SMG9: variants seen among roughly 807,000 people sequenced by gnomAD.
SMG9 encodes nonsense-mediated mRNA decay factor SMG9.
Under a neutral mutation model 64.0 loss-of-function variants are expected in SMG9, and 55 were observed. That is an observed-to-expected ratio of 0.86 (90% CI 0.69 to 1.08). The LOEUF (loss-of-function observed/expected upper bound fraction) is 1.08. Among genes scored for constraint, SMG9 ranks in the 50% least tolerant of loss-of-function variants. The pLI, the probability that SMG9 is intolerant of heterozygous loss-of-function variation, is 0.00. For missense variants in SMG9, 554 were observed against 681.3 expected (o/e 0.81, Z 2.08); for synonymous variants, 244 against 254.8 (o/e 0.96, Z 0.41).
At chr19:43,737,021 TC>T (rs1221549690) in intron 9 of SMG9, among the ~76,000 whole-genome samples, 2 of 152,036 alleles carry the variant, frequency 1.3e-5, no homozygotes, top group African/African-American at 4.8e-5. Flanking sequence ...CGCCTATAAT[TC>T]CGGCACTTTA....
Position 43,745,902 on chromosome 19 carries a change from G to C in SMG9, c.589-1018C>G, listed in dbSNP as rs189930173. Reference sequence around the variant, plus strand: ...TGTAATCCCAGCTACTCGGAAGGCTGAGGCAGGAGAATTGCTTGAACCCGG... The same window carrying C: ...TGTAATCCCAGCTACTCGGAAGGCTCAGGCAGGAGAATTGCTTGAACCCGG... On this transcript the variant is annotated intron_variant, in intron 5 of 13. Transcript: ENST00000270066. Among the ~76,000 whole-genome samples, 403 of 152,314 alleles carry C rather than the reference G, an allele frequency of 2.6e-3. 1 individual carries two copies. Among genetic ancestry groups the C allele is most frequent in the African/African-American group, 9.0e-3 (375 of 41,566 alleles).
rs1424114541 is a variant in SMG9 at position 43,731,074 on chromosome 19, G to A, written c.*522C>T. 24 of 976,140 alleles carry A rather than the reference G, an allele frequency of 2.5e-5. No individual in the cohort carries two copies. The highest frequency in any genetic ancestry group is 6.1e-5 in the Admixed American group (1 of 16,302). 60.5% of individuals were successfully genotyped at this position (976,140 alleles called of 1,614,324 possible). On this transcript the variant is annotated 3_prime_UTR_variant, in exon 14 of 14. Coordinates refer to ENST00000270066, the MANE Select transcript of SMG9 (RefSeq NM_019108.4). ...AGCAGAGACTGATCTCCATCTGCCC[G>A]CAAGGGCTGGGTGTCCAATTTGTCC...
chr19:43,730,988 A>G lies in SMG9; in HGVS notation c.*608T>C. On this transcript the variant is annotated 3_prime_UTR_variant, in exon 14 of 14. Transcript: ENST00000270066. Reference sequence around the variant, plus strand: ...ACCAGTGTATTTTCCCATCCAAAACATACACAGGGGAGGCTTGATGCCACC... The same window carrying G: ...ACCAGTGTATTTTCCCATCCAAAACGTACACAGGGGAGGCTTGATGCCACC... 1 of 343,860 alleles carries G rather than the reference A, an allele frequency of 2.9e-6. No homozygotes were observed. The allele number at this position is 343,860 out of a possible 1,614,324, so 21.3% of individuals were successfully genotyped here.
At chr19:43,744,498 A>G (rs1475225031) in intron 6 of SMG9, among the ~76,000 whole-genome samples, 4 of 150,408 alleles carry the variant, frequency 2.7e-5, no homozygotes, top group South Asian at 2.1e-4. Flanking sequence ...CTTAACAACT[A>G]CATCATCCCA....
In SMG9 at chr19:43,736,392, G is replaced by A. The variant is rs542212433; in HGVS notation, c.995+1205C>T. Among the ~76,000 whole-genome samples, 50 of 152,140 alleles carry A rather than the reference G, an allele frequency of 3.3e-4. No individual in the cohort carries two copies. The South Asian group carries it at 8.5e-3, about 26-fold the overall frequency. On this transcript the variant is annotated intron_variant, in intron 9 of 13. Coordinates refer to ENST00000270066, the MANE Select transcript of SMG9 (RefSeq NM_019108.4). ...CCTGTCCCTTCCTTCTGCCTGGTCCGTGTGCCCAAAGCTGTTCCCCCCAAC... is the reference window on the plus strand; with the variant it reads ...CCTGTCCCTTCCTTCTGCCTGGTCCATGTGCCCAAAGCTGTTCCCCCCAAC...
Position 43,747,432 on chromosome 19 carries a change from C to T in SMG9, c.588+10G>A, listed in dbSNP as rs184145466. 3.7e-5 allele frequency: 60 copies of T among 1,611,938 alleles called. No homozygotes were observed. Among genetic ancestry groups the T allele is most frequent in the Admixed American group, 2.0e-4 (12 of 60,022 alleles). Reference sequence around the variant, plus strand: ...TGCGGAAGCTCAGGCAGGGCAGGACCCCTCGGTACCTCGATGGCACTGTCA... The same window carrying T: ...TGCGGAAGCTCAGGCAGGGCAGGACTCCTCGGTACCTCGATGGCACTGTCA... On this transcript the variant is annotated intron_variant, in intron 5 of 13. Transcript: ENST00000270066.
At chr19:43,734,030 C>G in intron 10 of SMG9, 1 of 540,402 alleles carries the variant, frequency 1.9e-6, no homozygotes, top group Non-Finnish European at 3.3e-6. Context: ...AAAGGAACGG[C>G]ATGTGCAAAG....
At chr19:43,743,386 G>A (rs1361011508) in intron 6 of SMG9, among the ~76,000 whole-genome samples, 1 of 152,224 alleles carries the variant, frequency 6.6e-6, no homozygotes, top group South Asian at 2.1e-4. Context: ...TATGGGATGT[G>A]TATTCGCCCA....
intron 9 of SMG9, 88 bp from the exon 10 acceptor site, chr19:43,734,583 T>A: frequency 2.4e-6 from 2 of 817,564 alleles, no homozygotes; most frequent in South Asian, 1.5e-5. Context: ...GAGATTCTGA[T>A]GAAAGCTACA....
At chr19:43,746,805 G>A (rs1164439871) in intron 5 of SMG9, among the ~76,000 whole-genome samples, 2 of 149,782 alleles carry the variant, frequency 1.3e-5, no homozygotes, top group African/African-American at 5.0e-5. Flanking sequence ...CTGAGACAGC[G>A]TGGGCTTCTT....
At chr19:43,733,103 C>G in intron 12 of SMG9, 101 bp from the exon 13 acceptor site, 3 of 1,404,278 alleles carry the variant, frequency 2.1e-6, no homozygotes, top group Non-Finnish European at 2.9e-6. Flanking sequence ...GAGTTCAGCC[C>G]CGGCTGAGCT....
rs966583197 is a variant in SMG9 at position 43,730,130 on chromosome 19, A to C, written c.*1466T>G. 6.6e-6 allele frequency: 1 copy of C among 152,260 alleles called. No individual in the cohort carries two copies. The highest frequency in any genetic ancestry group is 2.4e-5 in the African/African-American group (1 of 41,432). The allele number at this position is 152,260 out of a possible 1,614,324, so 9.4% of individuals were successfully genotyped here. A position where few individuals can be genotyped will look rare whatever the true frequency, so the allele number is the denominator to read the frequency against. ...AGGGCTGTATGGGATGCTTGAAAGC[A>C]GGAGGAAACCAGGGAGACAAATATG... On this transcript the variant is annotated 3_prime_UTR_variant, in exon 14 of 14. Transcript: ENST00000270066.
chr19:43,728,973 G>A lies in SMG9; in HGVS notation c.*2623C>T, dbSNP rs567245781. 7.1e-6 allele frequency: 7 copies of A among 985,506 alleles called. No homozygotes were observed. The African/African-American group carries it at 8.7e-5, about 12-fold the overall frequency. The allele number at this position is 985,506 out of a possible 1,614,324, so 61.0% of individuals were successfully genotyped here. ...GGCCCATCTTGCAGCCCATCCTAGA[G>A]CAGAAGGCCTCCCTGCAGCAGTATA... On this transcript the variant is annotated 3_prime_UTR_variant, in exon 14 of 14. Transcript: ENST00000270066.
In SMG9 at chr19:43,732,925, G is replaced by A. The variant is rs758944415; in HGVS notation, c.1417C>T (p.Leu473Phe). Reference protein sequence around the residue: ...HPSFQSLVSKLRSQVMSMARP... With the variant: ...HPSFQSLVSKFRSQVMSMARP... ...GCCATGGACATCACTTGGCTCCGGA[G>A]CTTGCTCACCAAGGACTGGAAACTG... The change falls in exon 13 of 14, where the codon CTC becomes TTC. Residue 473 changes from leucine to phenylalanine, a missense_variant. Physicochemically the swap from Leu to Phe is conservative, Grantham distance 22 (BLOSUM62 0). Transcript: ENST00000270066. 1 of 1,613,952 alleles carries A rather than the reference G, an allele frequency of 6.2e-7. No homozygotes were observed. The highest frequency in any genetic ancestry group is 1.3e-5 in the African/African-American group (1 of 74,906).
At chr19:43,744,548 AG>A (rs755527612) in intron 6 of SMG9, among the ~76,000 whole-genome samples, 9 of 141,680 alleles carry the variant, frequency 6.4e-5, no homozygotes, top group Non-Finnish European at 1.4e-4. Flanking sequence ...GAGGCCAGGC[AG>A]GAAGGGAGGG....
intron 1 of SMG9, among the ~76,000 whole-genome samples, chr19:43,751,443 CTTCCT>C: frequency 6.6e-6 from 1 of 152,354 alleles, no homozygotes; most frequent in Non-Finnish European, 1.5e-5. Flanking sequence ...GGCCAAGGCC[CTTCCT>C]TTCAACAGAG....
intron 7 of SMG9, among the ~76,000 whole-genome samples, chr19:43,739,318 A>ATCAGT (rs1968773660): frequency 2.0e-5 from 3 of 152,222 alleles, no homozygotes; most frequent in Non-Finnish European, 4.4e-5. Context: ...CTTTACTTGC[A>ATCAGT]TCGATGCACT....
chr19:43,753,035 G>C (rs867729595), intron 1 of SMG9, among the ~76,000 whole-genome samples: 1 of 151,640 alleles, frequency 6.6e-6, no homozygotes, highest in South Asian at 2.1e-4. Context: ...AGGTCCCTCC[G>C]AGACTCTCCA....
At chr19:43,742,456 T>G (rs979357200) in intron 6 of SMG9, among the ~76,000 whole-genome samples, 1 of 152,052 alleles carries the variant, frequency 6.6e-6, no homozygotes, top group African/African-American at 2.4e-5. Context: ...AGTAATAATT[T>G]TTAAAACCTG....
Sources: gnomAD v4.1 joint callset for allele counts (sites outside exome capture counted in the v4.1 genomes callset) on GRCh38, gnomAD v4.1.1 for gene constraint, MANE v1.5 for transcripts, NCBI Gene and HGNC (gene_info 2026-07-23, HGNC 2026-07-21) for gene names.